The following TMEM132B variants were observed in gnomAD, a reference collection of about 807,000 sequenced individuals.
TMEM132B encodes the protein transmembrane protein 132B.
Under a neutral mutation model 90.8 loss-of-function variants are expected in TMEM132B, and 18 were observed. The observed-to-expected ratio is 0.20, with a 90% CI of 0.14 to 0.29. The LOEUF is 0.29. TMEM132B is among the 10% of genes least tolerant of loss of function. The pLI is 1.00. For synonymous variants in TMEM132B, 504 were observed against 523.3 expected (o/e 0.96, Z 0.50); for missense variants, 1,096 against 1,326.8 (o/e 0.83, Z 2.70).
intron 5 of TMEM132B, chr12:125,585,553 C>T (rs1271693440): frequency 6.6e-6 from 1 of 152,154 alleles, no homozygotes; most frequent in East Asian, 1.9e-4. Flanking sequence ...ATGATTCAGT[C>T]TGTAGTTTCC....
At chr12:125,357,875 T>C (rs543963653) in intron 2 of TMEM132B, among the ~76,000 whole-genome samples, 1 of 152,222 alleles carries the variant, frequency 6.6e-6, no homozygotes, top group African/African-American at 2.4e-5. Context: ...GTCTTATCCA[T>C]GAGAAGACAA....
intron 1 of TMEM132B, among the ~76,000 whole-genome samples, chr12:125,263,098 G>A (rs1014505713): frequency 2.0e-5 from 3 of 152,228 alleles, no homozygotes; most frequent in Admixed American, 1.3e-4. Flanking sequence ...AATCAACTGA[G>A]TTTGCTATTG....
intron 4 of TMEM132B, among the ~76,000 whole-genome samples, chr12:125,570,776 C>A (rs1312841225): frequency 3.3e-5 from 5 of 152,090 alleles, no homozygotes; most frequent in East Asian, 1.9e-4. Context: ...ATCTGCCTTG[C>A]GATTTTAAAA....
In TMEM132B at chr12:125,660,551, A is replaced by G. The variant is rs977694083; in HGVS notation, c.*5841A>G. ...TGTTTGCTTTTAGAAATTTTTAAAA[A>G]TACAAAAAAAAAGCGCAGAAACATT... On this transcript the variant is annotated 3_prime_UTR_variant, in exon 9 of 9. Coordinates refer to ENST00000682704, the MANE Select transcript of TMEM132B (RefSeq NM_001366854.1). The G allele has an allele frequency of 1.3e-5, 2 of 149,042 alleles. No homozygotes were observed. The highest frequency in any genetic ancestry group is 3.0e-5 in the Non-Finnish European group (2 of 67,770). 9.2% of individuals were successfully genotyped at this position (149,042 alleles called of 1,614,324 possible).
intron 2 of TMEM132B, among the ~76,000 whole-genome samples, chr12:125,353,866 G>A (rs1300487945): frequency 6.6e-6 from 1 of 152,188 alleles, no homozygotes; most frequent in African/African-American, 2.4e-5. Flanking sequence ...AAGCCTTAGA[G>A]TATTATCTTC....
rs970015293 is a variant in TMEM132B, at chr12:125,660,984, C to T, written c.*6274C>T. ...CTATGTAATGCTGATTTTTTTCAAACCTGTTTGGAAATATTACTTCTTTGG... is the reference window on the plus strand; with the variant it reads ...CTATGTAATGCTGATTTTTTTCAAATCTGTTTGGAAATATTACTTCTTTGG... On this transcript the variant is annotated 3_prime_UTR_variant, in exon 9 of 9. Transcript: ENST00000682704. The T allele has an allele frequency of 6.6e-6, 1 of 152,090 alleles. No individual in the cohort carries two copies. Among genetic ancestry groups the T allele is most frequent in the South Asian group, 2.1e-4 (1 of 4,824 alleles). 9.4% of individuals were successfully genotyped at this position (152,090 alleles called of 1,614,324 possible). A position where few individuals can be genotyped will look rare whatever the true frequency, so the allele number is the denominator to read the frequency against.
chr12:125,273,366 C>T (rs1874899347), intron 1 of TMEM132B, among the ~76,000 whole-genome samples: 1 of 152,116 alleles, frequency 6.6e-6, no homozygotes, highest in African/African-American at 2.4e-5. Flanking sequence ...GTGGGAGGAT[C>T]TCTTGAGTCC....
intron 4 of TMEM132B, among the ~76,000 whole-genome samples, chr12:125,536,665 C>T (rs1883805307): frequency 6.6e-6 from 1 of 152,224 alleles, no homozygotes; most frequent in Non-Finnish European, 1.5e-5. Flanking sequence ...AAGACACCTT[C>T]TTTACCAGAT....
chr12:125,266,940 T>C (rs989641416), intron 1 of TMEM132B, among the ~76,000 whole-genome samples: 2 of 152,186 alleles, frequency 1.3e-5, no homozygotes, highest in Non-Finnish European at 2.9e-5. Flanking sequence ...AGTCATTGTA[T>C]TGGACCCAGG....
Position 125,415,391 on chromosome 12 carries a change from C to A in TMEM132B, c.960-140C>A. ...TTTAAAGGAAAGCCACTTGCCACCA[C>A]TCTCCCCCACATCTCCCAGAGGAAG... On this transcript the variant is annotated intron_variant, in intron 2 of 8. Coordinates refer to ENST00000682704, the MANE Select transcript of TMEM132B (RefSeq NM_001366854.1). The surrounding 1 kb of genome is among the most constrained non-coding windows in gnomAD (Gnocchi z 5.3). The A allele has an allele frequency of 9.1e-7, 1 of 1,099,030 alleles. No homozygotes were observed. Among genetic ancestry groups the A allele is most frequent in the East Asian group, 2.7e-5 (1 of 37,716 alleles). 68.1% of individuals were successfully genotyped at this position (1,099,030 alleles called of 1,614,324 possible).
intron 5 of TMEM132B, among the ~76,000 whole-genome samples, 171 bp from the exon 6 acceptor site, chr12:125,643,905 G>A (rs2137028878): frequency 6.6e-6 from 1 of 152,294 alleles, no homozygotes; most frequent in South Asian, 2.1e-4. Flanking sequence ...ATTTGTCAGT[G>A]TTTGTCACTA....
intron 5 of TMEM132B, among the ~76,000 whole-genome samples, chr12:125,604,185 T>C (rs1025324602): frequency 6.6e-6 from 1 of 152,108 alleles, no homozygotes; most frequent in African/African-American, 2.4e-5. Context: ...AGCAAAGAGA[T>C]GGAACCAACC....
chr12:125,599,186 A>G (rs1424202304), intron 5 of TMEM132B, among the ~76,000 whole-genome samples: 3 of 152,092 alleles, frequency 2.0e-5, no homozygotes, highest in Non-Finnish European at 4.4e-5. Flanking sequence ...GTGATACTGA[A>G]TAAGTCTCAC....
intron 1 of TMEM132B, among the ~76,000 whole-genome samples, chr12:125,268,355 C>G (rs946821117): frequency 6.6e-6 from 1 of 152,184 alleles, no homozygotes; most frequent in African/African-American, 2.4e-5. Context: ...GCAGATTAAC[C>G]CATGCATGAG....
intron 1 of TMEM132B, among the ~76,000 whole-genome samples, chr12:125,348,044 T>C (rs1877418563): frequency 6.6e-6 from 1 of 152,232 alleles, no homozygotes; most frequent in African/African-American, 2.4e-5. Flanking sequence ...TACATATACA[T>C]ATGTAGAATT....
chr12:125,264,262 C>T (rs1280234697), intron 1 of TMEM132B, among the ~76,000 whole-genome samples: 1 of 152,202 alleles, frequency 6.6e-6, no homozygotes, highest in African/African-American at 2.4e-5. Flanking sequence ...GATGATGTTG[C>T]ACCCACCATG....
At chr12:125,388,454 A>G (rs1001274201) in intron 2 of TMEM132B, among the ~76,000 whole-genome samples, 2 of 152,002 alleles carry the variant, frequency 1.3e-5, no homozygotes, top group African/African-American at 4.8e-5. Flanking sequence ...AACAAAACAA[A>G]ACAAAAACCT....
intron 1 of TMEM132B, among the ~76,000 whole-genome samples, chr12:125,346,308 T>C (rs184717645): frequency 2.2e-3 from 340 of 152,340 alleles, no homozygotes; most frequent in Middle Eastern, 6.8e-3. Context: ...TATTAAAGTT[T>C]GCATTTATTT....
intron 5 of TMEM132B, among the ~76,000 whole-genome samples, chr12:125,630,885 G>A (rs1271538954): frequency 6.6e-6 from 1 of 151,988 alleles, no homozygotes; most frequent in African/African-American, 2.4e-5. Flanking sequence ...ATAATGGCCT[G>A]CAGATTCATC....
Sources: allele counts gnomAD v4.1 joint callset (sites outside exome capture counted in the v4.1 genomes callset), GRCh38; gene constraint gnomAD v4.1.1; non-coding constraint Gnocchi (gnomAD v3.1); transcripts MANE v1.5; gene names NCBI Gene and HGNC (gene_info 2026-07-23, HGNC 2026-07-21).